GUK1: variants seen among roughly 807,000 people sequenced by gnomAD.
GUK1 encodes the protein guanylate kinase 1.
Under a neutral mutation model 25.2 loss-of-function variants are expected in GUK1, and 18 were observed. The observed-to-expected ratio is 0.71, with a 90% CI of 0.49 to 1.06. The LOEUF (loss-of-function observed/expected upper bound fraction) is 1.06. Ranked by LOEUF, GUK1 falls within the 50% of genes least tolerant of loss-of-function variation. GUK1 has a pLI of 0.00. For missense variants in GUK1, 261 were observed against 276.7 expected, an observed-to-expected ratio of 0.94 and a Z score of 0.40; for synonymous variants, 105 against 117.6, an observed-to-expected ratio of 0.89 and a Z score of 0.69.
rs765046739 is a variant in GUK1 at position 228,148,778 on chromosome 1, C to T, written c.*81C>T. ...TGAGCCACCCCCTTGGCAGGCGATA[C>T]GGCAGCTCTGTGCCCTTGGCCAGCA... On this transcript the variant is annotated 3_prime_UTR_variant, in exon 9 of 9. Transcript: ENST00000312726. The T allele has an allele frequency of 1.2e-5, 19 of 1,607,254 alleles. No individual in the cohort carries two copies. The highest frequency in any genetic ancestry group is 2.7e-5 in the African/African-American group (2 of 74,846).
At position 228,148,864 on chromosome 1, in the gene GUK1, G is replaced by A. The variant is rs777934605; in HGVS notation, c.*167G>A. 73 of 1,520,390 alleles carry A rather than the reference G, an allele frequency of 4.8e-5. No individual in the cohort carries two copies. The African/African-American group carries it at 9.6e-4, about 20-fold the overall frequency. The allele number at this position is 1,520,390 out of a possible 1,614,324, so 94.2% of individuals were successfully genotyped here. On this transcript the variant is annotated 3_prime_UTR_variant, in exon 9 of 9. Coordinates refer to ENST00000312726, the MANE Select transcript of GUK1 (RefSeq NM_000858.7). ...ACATCCTGGGGTGACCCCCGACCCA[G>A]CCTCGCTGGGCTGTCCCCTGTCCCT...
intron 2 of GUK1, 80 bp from the exon 2 acceptor site, chr1:228,145,431 A>C: frequency 7.1e-7 from 1 of 1,400,710 alleles, no homozygotes; most frequent in Non-Finnish European, 9.6e-7. Flanking sequence ...TCCTGCCATG[A>C]ATTCAGGAAG....
intron 5 of GUK1, 24 bp from the exon 5 acceptor site, chr1:228,147,382 T>G (rs2034440816): frequency 1.7e-5 from 28 of 1,603,386 alleles, no homozygotes; most frequent in Non-Finnish European, 2.4e-5. Context: ...CTGGCACCCC[T>G]GCTGACCTGG....
chr1:228,148,271 G>A, intron 7 of GUK1, 100 bp from the exon 7 acceptor site: 2 of 875,390 alleles, frequency 2.3e-6, no homozygotes, highest in African/African-American at 1.6e-5. Flanking sequence ...CAGCCGCAGT[G>A]AGGACAGCCG....
chr1:228,140,758 C>T (rs1259824688), intron 1 of GUK1, among the ~76,000 whole-genome samples: 1 of 152,256 alleles, frequency 6.6e-6, no homozygotes, highest in Non-Finnish European at 1.5e-5. Flanking sequence ...CCTTGGGGTC[C>T]TGGGCGGATG....
At chr1:228,143,977 G>A (rs910301164) in intron 2 of GUK1, among the ~76,000 whole-genome samples, 5 of 152,192 alleles carry the variant, frequency 3.3e-5, no homozygotes, top group African/African-American at 7.2e-5. Context: ...CTGGGGGTCC[G>A]GTGTGTTTGT....
At position 228,148,763 on chromosome 1, in the gene GUK1, C is replaced by A; in HGVS notation, c.*66C>A. On this transcript the variant is annotated 3_prime_UTR_variant, in exon 9 of 9. Transcript: ENST00000312726. Reference sequence around the variant, plus strand: ...CCAGGGCAGCAGCATTGAGCCACCCCCTTGGCAGGCGATACGGCAGCTCTG... The same window carrying A: ...CCAGGGCAGCAGCATTGAGCCACCCACTTGGCAGGCGATACGGCAGCTCTG... The A allele has an allele frequency of 6.2e-7, 1 of 1,611,056 alleles. No homozygotes were observed. The highest frequency in any genetic ancestry group is 8.5e-7 in the Non-Finnish European group (1 of 1,179,372).
chr1:228,146,430 AG>A, intron 4 of GUK1: 1 of 438,540 alleles, frequency 2.3e-6, no homozygotes. Flanking sequence ...ATTCAAGACA[AG>A]GGACCCCCTT....
At chr1:228,141,569 CCT>C (rs2034054209) in intron 2 of GUK1, 4 of 913,154 alleles carry the variant, frequency 4.4e-6, no homozygotes, top group Non-Finnish European at 4.1e-6. Context: ...AAGGTCAAGC[CCT>C]CTGTTAGCAT....
chr1:228,147,539 G>C lies in GUK1; in HGVS notation c.385G>C (p.Val129Leu), dbSNP rs767222967. 6.2e-7 allele frequency: 1 copy of C among 1,613,292 alleles called. No homozygotes were observed. The highest frequency in any genetic ancestry group is 8.5e-7 in the Non-Finnish European group (1 of 1,179,920). ...CTCTGTGCAGCCGCCTTCACTGCAC[G>C]TGCTGGTGTGTGCTGGGCAGGGTTG... Residue 129 changes from valine (V) to leucine (L), a missense_variant, in exon 6 of 9, where the codon GTG (valine) becomes CTG (leucine). By Grantham distance (32) the Val-to-Leu change is conservative. Coordinates refer to ENST00000312726, the MANE Select transcript of GUK1 (RefSeq NM_000858.7).
Position 228,148,462 on chromosome 1 carries a change from C to A in GUK1, c.561+6C>A. The A allele has an allele frequency of 6.4e-7, 1 of 1,566,230 alleles. No homozygotes were observed. The highest frequency in any genetic ancestry group is 2.3e-5 in the East Asian group (1 of 44,316). ...TGAAGGAGGCGCTCTCTGAGGTGGG[C>A]CCATCCTTGTGCCTACCTGGGCAAG... On this transcript the variant is annotated splice_donor_region_variant and intron_variant, in intron 8 of 8. Transcript: ENST00000312726.
chr1:228,146,796 G>A (rs2034402625), intron 4 of GUK1, 46 bp from the exon 4 acceptor site: 2 of 1,329,096 alleles, frequency 1.5e-6, no homozygotes, highest in Non-Finnish European at 2.2e-6. Flanking sequence ...TGGGCACCCT[G>A]GTGCAGGTCC....
Position 228,147,658 on chromosome 1 carries a change from T to C in GUK1, c.434T>C (p.Leu145Pro). 6.2e-7 allele frequency: 1 copy of C among 1,612,970 alleles called. No individual in the cohort carries two copies. Among genetic ancestry groups the C allele is most frequent in the East Asian group, 2.2e-5 (1 of 44,874 alleles). Residue 145 changes from leucine to proline, a missense_variant, in exon 7 of 9, where the codon CTG (leucine) becomes CCG (proline). Coordinates refer to ENST00000312726, the MANE Select transcript of GUK1 (RefSeq NM_000858.7). ...CGCAACACTGAAACCGAGGAGAGCCTGGTGAAGCGGCTGGCTGCTGCCCAG... is the reference window on the plus strand; with the variant it reads ...CGCAACACTGAAACCGAGGAGAGCCCGGTGAAGCGGCTGGCTGCTGCCCAG...
chr1:228,142,222 C>A (rs1441279019), intron 2 of GUK1, among the ~76,000 whole-genome samples: 1 of 152,402 alleles, frequency 6.6e-6, no homozygotes, highest in South Asian at 2.1e-4. Context: ...CTGGCCAGGG[C>A]CCCCAGTAGT....
rs2034557113 is a variant in GUK1 at position 228,148,951 on chromosome 1, A to G, written c.*254A>G. On this transcript the variant is annotated 3_prime_UTR_variant, in exon 9 of 9. Transcript: ENST00000312726. ...AAATAACTGTTGGATTAGAAACTCC[A>G]TAAATGAGTGGAATGTGGCCCCAAG... The G allele has an allele frequency of 1.0e-6, 1 of 992,396 alleles. No individual in the cohort carries two copies. The highest frequency in any genetic ancestry group is 2.7e-5 in the East Asian group (1 of 37,368). 61.5% of individuals were successfully genotyped at this position (992,396 alleles called of 1,614,324 possible). A position where few individuals can be genotyped will look rare whatever the true frequency, so the allele number is the denominator to read the frequency against.
chr1:228,142,176 C>G (rs984720457), intron 2 of GUK1, among the ~76,000 whole-genome samples: 1 of 152,256 alleles, frequency 6.6e-6, no homozygotes, highest in Non-Finnish European at 1.5e-5. Context: ...CTGCAAGGCC[C>G]GCATCCACTC....
rs1290349754 is a variant in GUK1, at chr1:228,148,121, C to G, written c.476-250C>G. Reference sequence around the variant, plus strand: ...GTGTAGAGGATAGTGTAGCCCCTAACCAGAGTCCTGATGGGTGCTGGTGTC... The same window carrying G: ...GTGTAGAGGATAGTGTAGCCCCTAAGCAGAGTCCTGATGGGTGCTGGTGTC... On this transcript the variant is annotated intron_variant, in intron 7 of 8. Transcript: ENST00000312726. 8 of 609,678 alleles carry G rather than the reference C, an allele frequency of 1.3e-5. No individual in the cohort carries two copies. The Admixed American group carries it at 2.1e-4, about 16-fold the overall frequency. 37.8% of individuals were successfully genotyped at this position (609,678 alleles called of 1,614,324 possible).
chr1:228,147,085 G>A (rs943975102), intron 5 of GUK1, 147 bp downstream of exon 4: 25 of 674,418 alleles, frequency 3.7e-5, no homozygotes, highest in Middle Eastern at 3.9e-4. Context: ...AGGCTCCCAC[G>A]TCTGTGGCCC....
At chr1:228,141,887 CTG>C (rs2034077600) in intron 2 of GUK1, 1 of 815,078 alleles carries the variant, frequency 1.2e-6, no homozygotes, top group Non-Finnish European at 1.6e-6. Context: ...GAGTTTGCGA[CTG>C]TGGGTTGGTG....
Sources: gnomAD v4.1 joint callset for allele counts (sites outside exome capture counted in the v4.1 genomes callset) on GRCh38, gnomAD v4.1.1 for gene constraint, MANE v1.5 for transcripts, NCBI Gene and HGNC (gene_info 2026-07-23, HGNC 2026-07-21) for gene names.